The following ATXN2 variants were observed in gnomAD, a reference collection of about 807,000 sequenced individuals.
ATXN2 encodes the protein ataxin 2.
In ATXN2, 37 loss-of-function variants were observed where a neutral mutation model predicts 138.6. That is an observed-to-expected ratio of 0.27 (90% confidence interval 0.21 to 0.35). The LOEUF is 0.35. ATXN2 is among the 10% of genes least tolerant of loss of function. The probability of loss-of-function intolerance (pLI) is 1.00; values close to 1 mark genes in which losing one functional copy is unlikely to be tolerated. For missense variants in ATXN2, 1,216 were observed against 1,480.3 expected (o/e 0.82, Z 2.93); for synonymous variants, 549 against 543.7 (o/e 1.01, Z -0.13).
intron 1 of ATXN2, among the ~76,000 whole-genome samples, chr12:111,567,585 G>A (rs1311827079): frequency 1.3e-5 from 2 of 151,816 alleles, no homozygotes; most frequent in Admixed American, 6.6e-5. Context: ...AGACCAAGGC[G>A]GGCAGATCAC....
At chr12:111,549,451 G>A (rs1309949477) in intron 5 of ATXN2, among the ~76,000 whole-genome samples, 7 of 151,152 alleles carry the variant, frequency 4.6e-5, no homozygotes, top group South Asian at 2.1e-4. Flanking sequence ...CAGGAGAATC[G>A]CTTAAACCCA....
intron 15 of ATXN2, among the ~76,000 whole-genome samples, chr12:111,487,442 T>C (rs10400460): frequency 0.1 from 15,506 of 151,144 alleles, 2,647 homozygotes; most frequent in African/African-American, 0.36. Context: ...ATTCTTAACA[T>C]AACAGTATCC....
At chr12:111,527,546 A>G (rs148051839) in intron 5 of ATXN2, among the ~76,000 whole-genome samples, 4 of 152,210 alleles carry the variant, frequency 2.6e-5, no homozygotes, top group Non-Finnish European at 4.4e-5. Context: ...GTGGGTAGGT[A>G]TGAGTGTGTG....
intron 14 of ATXN2, among the ~76,000 whole-genome samples, chr12:111,502,488 G>A (rs181208898): frequency 3.3e-4 from 50 of 152,070 alleles, no homozygotes; most frequent in Non-Finnish European, 5.6e-4. Context: ...GGAGTGCAGC[G>A]GCACGATCTT....
rs1381286001 is a variant in ATXN2, at chr12:111,599,091, G to A, written c.-57C>T. The A allele has an allele frequency of 6.0e-6, 8 of 1,336,612 alleles. No homozygotes were observed. The African/African-American group carries it at 7.7e-5, about 13-fold the overall frequency. 82.8% of individuals were successfully genotyped at this position (1,336,612 alleles called of 1,614,324 possible). A position where few individuals can be genotyped will look rare whatever the true frequency, so the allele number is the denominator to read the frequency against. On this transcript the variant is annotated 5_prime_UTR_variant, in exon 1 of 25. Coordinates refer to ENST00000673436, the MANE Select transcript of ATXN2 (RefSeq NM_001372574.1). ...GGGCGGGGACAGCCGGGAGCCGGGC[G>A]CGCCAAGGAGACGCCGGAACGCGGC...
rs1885044987 is a variant in ATXN2, at chr12:111,598,350, G to A, written c.251+434C>T. Reference sequence around the variant, plus strand: ...TCCCCCATGGAGGGGGACATGTTCCGGAAAACGCCACCACAGCCTCCAGAC... The same window carrying A: ...TCCCCCATGGAGGGGGACATGTTCCAGAAAACGCCACCACAGCCTCCAGAC... On this transcript the variant is annotated intron_variant, in intron 1 of 24. Coordinates refer to ENST00000673436, the MANE Select transcript of ATXN2 (RefSeq NM_001372574.1). The surrounding 1 kb of genome is among the most constrained non-coding windows in gnomAD (Gnocchi z 4.5). The A allele has an allele frequency of 2.0e-6, 2 of 990,610 alleles. No individual in the cohort carries two copies. The highest frequency in any genetic ancestry group is 2.4e-6 in the Non-Finnish European group (2 of 832,886). 61.4% of individuals were successfully genotyped at this position (990,610 alleles called of 1,614,324 possible). A position where few individuals can be genotyped will look rare whatever the true frequency, so the allele number is the denominator to read the frequency against.
intron 18 of ATXN2, 61 bp from the exon 19 acceptor site, chr12:111,470,803 C>T (rs2135674466): frequency 1.3e-6 from 2 of 1,556,582 alleles, no homozygotes; most frequent in South Asian, 1.1e-5. Context: ...TACATGTGTT[C>T]ACATGGTCTA....
At chr12:111,519,239 C>T (rs1880024728) in intron 8 of ATXN2, among the ~76,000 whole-genome samples, 1 of 152,140 alleles carries the variant, frequency 6.6e-6, no homozygotes. Context: ...CATCTCCTTC[C>T]AACAGGGTGC....
In ATXN2 at chr12:111,519,904, G is replaced by A. The variant is rs772885925; in HGVS notation, c.961C>T (p.Arg321Cys). ...CTAGTGTTTATGCTGTGCCCCTCAC[G>A]TTCACTGGAATTTCTCTGAACTGCT... ...YTAVQRNSSE[R>C]EGHSINTREN... Residue 321 changes from arginine (R) to cysteine (C), a missense_variant, in exon 8 of 25, where the codon CGT becomes TGT. This residue lies in a region of ATXN2 where 401 missense variants were observed against 528.1 expected (regional missense o/e 0.76). Coordinates refer to ENST00000673436, the MANE Select transcript of ATXN2 (RefSeq NM_001372574.1). 5.0e-6 allele frequency: 8 copies of A among 1,614,024 alleles called. No homozygotes were observed. The highest frequency in any genetic ancestry group is 4.4e-5 in the South Asian group (4 of 91,072).
At chr12:111,571,483 G>GT (rs1412574000) in intron 1 of ATXN2, among the ~76,000 whole-genome samples, 1 of 152,012 alleles carries the variant, frequency 6.6e-6, no homozygotes, top group African/African-American at 2.4e-5. Context: ...ATCTTAAAGG[G>GT]TAAGTATGAG....
At chr12:111,483,047 T>G (rs1877360237) in intron 18 of ATXN2, among the ~76,000 whole-genome samples, 1 of 151,656 alleles carries the variant, frequency 6.6e-6, no homozygotes, top group African/African-American at 2.4e-5. Flanking sequence ...ATTAGCTAGG[T>G]GTGGTGGTGT....
At chr12:111,498,590 C>A (rs1403010893) in intron 14 of ATXN2, among the ~76,000 whole-genome samples, 2 of 152,052 alleles carry the variant, frequency 1.3e-5, no homozygotes, top group African/African-American at 4.8e-5. Flanking sequence ...AAAAGAGATT[C>A]CATGTTTATG....
chr12:111,535,337 A>C (rs598710), intron 5 of ATXN2, among the ~76,000 whole-genome samples: 30,782 of 152,016 alleles, frequency 0.2, 3,189 homozygotes, highest in East Asian at 0.33. Context: ...TAAAAGAAGA[A>C]GGCACAGGGG....
intron 14 of ATXN2, among the ~76,000 whole-genome samples, chr12:111,506,225 G>A (rs906491627): frequency 6.6e-6 from 1 of 152,188 alleles, no homozygotes; most frequent in African/African-American, 2.4e-5. Flanking sequence ...GGAGGCAAAT[G>A]TGGAACGACT....
At chr12:111,568,590 G>C (rs1361507279) in intron 1 of ATXN2, among the ~76,000 whole-genome samples, 1 of 152,126 alleles carries the variant, frequency 6.6e-6, no homozygotes, top group African/African-American at 2.4e-5. Flanking sequence ...CAGTAAAACT[G>C]TAAGAATGCT....
chr12:111,455,529 C>T, intron 23 of ATXN2: 1 of 271,760 alleles, frequency 3.7e-6, no homozygotes, highest in South Asian at 4.6e-5. Flanking sequence ...AACTTATGGT[C>T]AAAGCAGATA....
At chr12:111,472,782 C>A (rs1226213029) in intron 18 of ATXN2, among the ~76,000 whole-genome samples, 1 of 151,774 alleles carries the variant, frequency 6.6e-6, no homozygotes, top group East Asian at 1.9e-4. Flanking sequence ...CCATGTTGGC[C>A]AGGCTGGTCT....
At chr12:111,531,902 A>G (rs925414474) in intron 5 of ATXN2, among the ~76,000 whole-genome samples, 1 of 152,248 alleles carries the variant, frequency 6.6e-6, no homozygotes, top group African/African-American at 2.4e-5. Context: ...TACACAGGAA[A>G]TCAAATGAGA....
At chr12:111,593,486 T>G (rs562701990) in intron 1 of ATXN2, among the ~76,000 whole-genome samples, 1 of 152,096 alleles carries the variant, frequency 6.6e-6, no homozygotes, top group East Asian at 1.9e-4. Flanking sequence ...CCATTGCTAA[T>G]TAGAGTAACA....
Sources: allele counts gnomAD v4.1 joint callset (sites outside exome capture counted in the v4.1 genomes callset), GRCh38; gene constraint gnomAD v4.1.1; regional missense constraint gnomAD v4.1.1; non-coding constraint Gnocchi (gnomAD v3.1); transcripts MANE v1.5; gene names NCBI Gene and HGNC (gene_info 2026-07-23, HGNC 2026-07-21).